Variants in RAB4A observed in about 807,000 individuals in gnomAD.
RAB4A encodes the protein RAB4A, member RAS oncogene family.
In RAB4A, 20 loss-of-function variants were observed where a neutral mutation model predicts 34.5. That is an observed-to-expected ratio of 0.58 (90% CI 0.41 to 0.84). The LOEUF (loss-of-function observed/expected upper bound fraction) is 0.84. RAB4A is among the 40% of genes least tolerant of loss of function. The probability of loss-of-function intolerance (pLI) is 0.00; values close to 1 mark genes in which losing one functional copy is unlikely to be tolerated. For synonymous variants in RAB4A, 102 were observed against 100.0 expected, an observed-to-expected ratio of 1.02 and a Z score of -0.12; for missense variants, 228 against 274.5, an observed-to-expected ratio of 0.83 and a Z score of 1.20.
In RAB4A at chr1:229,271,176, T is replaced by A; in HGVS notation, c.-164T>A. 5.1e-6 allele frequency: 3 copies of A among 593,656 alleles called. No homozygotes were observed. The highest frequency in any genetic ancestry group is 7.3e-6 in the Non-Finnish European group (3 of 413,280). 36.8% of individuals were successfully genotyped at this position (593,656 alleles called of 1,614,324 possible). A position where few individuals can be genotyped will look rare whatever the true frequency, so the allele number is the denominator to read the frequency against. On this transcript the variant is annotated 5_prime_UTR_variant, in exon 1 of 8. Coordinates refer to ENST00000366690, the MANE Select transcript of RAB4A (RefSeq NM_004578.4). ...GCCCTGCGCCTGCGCGGAGCTGGAG[T>A]CCGGCTGGGCCGCAGCCGCTGGGAG...
intron 1 of RAB4A, among the ~76,000 whole-genome samples, chr1:229,276,591 C>T (rs529185402): frequency 6.6e-6 from 1 of 151,418 alleles, no homozygotes; most frequent in East Asian, 1.9e-4. Flanking sequence ...GCCTATGCCC[C>T]ATCTTCTATT....
At chr1:229,293,687 A>C (rs1657157878) in intron 3 of RAB4A, among the ~76,000 whole-genome samples, 1 of 152,122 alleles carries the variant, frequency 6.6e-6, no homozygotes, top group Admixed American at 6.5e-5. Context: ...ACAGAGACAG[A>C]GACAGAAAGA....
chr1:229,302,280 TATATATATATATATATATA>T (rs1558242237), intron 6 of RAB4A, among the ~76,000 whole-genome samples: 201 of 19,822 alleles, frequency 0.01, 13 homozygotes, highest in African/African-American at 0.025. Context: ...TATATATATA[TATATATATATATATATATA>T]TATATATATA....
Position 229,299,028 on chromosome 1 carries a change from C to T in RAB4A, c.497C>T (p.Ala166Val), listed in dbSNP as rs764915249. Residue 166 changes from alanine to valine, a missense_variant, in exon 6 of 8, where the codon GCT (alanine) becomes GTT (valine). By Grantham distance (64) the Ala-to-Val change is moderately conservative. Transcript: ENST00000366690. Reference sequence around the variant, plus strand: ...CTCACAGGGGAGAATGTAGAAGAGGCTTTTGTACAGTGTGCAAGAAAAATA... The same window carrying T: ...CTCACAGGGGAGAATGTAGAAGAGGTTTTTGTACAGTGTGCAAGAAAAATA... ...SALTGENVEE[A>V]FVQCARKILN... 9 of 1,610,406 alleles carry T rather than the reference C, an allele frequency of 5.6e-6. No individual in the cohort carries two copies. The highest frequency in any genetic ancestry group is 2.7e-5 in the African/African-American group (2 of 74,636).
At chr1:229,294,019 T>C (rs1055316264) in intron 3 of RAB4A, among the ~76,000 whole-genome samples, 2 of 152,032 alleles carry the variant, frequency 1.3e-5, no homozygotes, top group Non-Finnish European at 2.9e-5. Context: ...ATTTGTGTAG[T>C]GTAGGAGACT....
rs928922791 is a variant in RAB4A at position 229,304,187 on chromosome 1, A to G, written c.*394A>G. The G allele has an allele frequency of 5.9e-5, 9 of 152,000 alleles. No individual in the cohort carries two copies. The highest frequency in any genetic ancestry group is 3.9e-4 in the Admixed American group (6 of 15,248). 9.4% of individuals were successfully genotyped at this position (152,000 alleles called of 1,614,324 possible). ...TTAATCATATGAACTAAAATTGTCAATTGTGAGGTGTGCTTTTCTCATCAT... is the reference window on the plus strand; with the variant it reads ...TTAATCATATGAACTAAAATTGTCAGTTGTGAGGTGTGCTTTTCTCATCAT... On this transcript the variant is annotated 3_prime_UTR_variant, in exon 8 of 8. Transcript: ENST00000366690.
Position 229,271,182 on chromosome 1 carries a change from TG to T in RAB4A, c.-155del. The T allele has an allele frequency of 1.5e-6, 1 of 665,008 alleles. No individual in the cohort carries two copies. The highest frequency in any genetic ancestry group is 2.1e-6 in the Non-Finnish European group (1 of 476,782). 41.2% of individuals were successfully genotyped at this position (665,008 alleles called of 1,614,324 possible). A position where few individuals can be genotyped will look rare whatever the true frequency, so the allele number is the denominator to read the frequency against. ...CGCCTGCGCGGAGCTGGAGTCCGGCTGGGCCGCAGCCGCTGGGAGACCGGCG... is the reference window on the plus strand; with the variant it reads ...CGCCTGCGCGGAGCTGGAGTCCGGCTGGCCGCAGCCGCTGGGAGACCGGCG... On this transcript the variant is annotated 5_prime_UTR_variant, in exon 1 of 8. Transcript: ENST00000366690.
chr1:229,282,245 T>G (rs1279922970), intron 1 of RAB4A, among the ~76,000 whole-genome samples: 2 of 152,220 alleles, frequency 1.3e-5, no homozygotes, highest in Non-Finnish European at 2.9e-5. Flanking sequence ...CTTTGAGCAC[T>G]TGAAAAATAC....
At chr1:229,280,211 C>G (rs1656748241) in intron 1 of RAB4A, among the ~76,000 whole-genome samples, 1 of 152,174 alleles carries the variant, frequency 6.6e-6, no homozygotes, top group African/African-American at 2.4e-5. Flanking sequence ...TGAGTGAGAT[C>G]ATCATTGCTG....
chr1:229,284,307 C>T (rs546920259), intron 1 of RAB4A, among the ~76,000 whole-genome samples: 162 of 151,742 alleles, frequency 1.1e-3, no homozygotes, highest in Non-Finnish European at 1.8e-3. Context: ...CGCTGTTGGC[C>T]GGGCTGGTCT....
At chr1:229,280,420 A>T (rs898513644) in intron 1 of RAB4A, among the ~76,000 whole-genome samples, 2 of 152,224 alleles carry the variant, frequency 1.3e-5, no homozygotes, top group Non-Finnish European at 2.9e-5. Context: ...CAGAAAAAGA[A>T]TTGATGGACA....
Position 229,305,447 on chromosome 1 carries a change from A to G in RAB4A, c.*1654A>G, listed in dbSNP as rs541814541. On this transcript the variant is annotated 3_prime_UTR_variant, in exon 8 of 8. Transcript: ENST00000366690. ...TATAAACGATCCTGTTAATTAAACC[A>G]CAGACACCATATATCCTTCTGCATC... 1.3e-5 allele frequency: 9 copies of G among 676,118 alleles called. No individual in the cohort carries two copies. The East Asian group carries it at 2.5e-4, about 19-fold the overall frequency. The allele number at this position is 676,118 out of a possible 1,614,324, so 41.9% of individuals were successfully genotyped here.
At chr1:229,297,975 T>G (rs569199402) in intron 5 of RAB4A, among the ~76,000 whole-genome samples, 14 of 152,334 alleles carry the variant, frequency 9.2e-5, no homozygotes, top group Admixed American at 9.1e-4. Context: ...TTTAATGTAT[T>G]TTGAAGGAAA....
chr1:229,297,558 C>T lies in RAB4A; in HGVS notation c.367C>T (p.Leu123Phe), dbSNP rs1237275056. The change falls in exon 5 of 8, where the codon CTT becomes TTT. Residue 123 changes from leucine to phenylalanine, a missense_variant. By Grantham distance (22) the Leu-to-Phe change is conservative. Transcript: ENST00000366690. ...MLASQNIVIILCGNKKDLDAD... is the reference protein window; with the variant it reads ...MLASQNIVIIFCGNKKDLDAD... The stretch of plus-strand genomic sequence containing the variant: ...AGCGAGCCAGAACATTGTGATCATC[C>T]TTTGTGGAAACAAGAAGGACCTGGA... The T allele has an allele frequency of 1.2e-6, 2 of 1,613,258 alleles. No homozygotes were observed. The highest frequency in any genetic ancestry group is 8.5e-7 in the Non-Finnish European group (1 of 1,179,904).
rs1299790708 is a variant in RAB4A, at chr1:229,304,351, G to C, written c.*558G>C. 1 of 151,934 alleles carries C rather than the reference G, an allele frequency of 6.6e-6. No homozygotes were observed. The highest frequency in any genetic ancestry group is 1.5e-5 in the Non-Finnish European group (1 of 68,004). 9.4% of individuals were successfully genotyped at this position (151,934 alleles called of 1,614,324 possible). A position where few individuals can be genotyped will look rare whatever the true frequency, so the allele number is the denominator to read the frequency against. ...TACGTGATCCACACTTGAAATACTAGATCAGTAGACATTCACTAATATACC... is the reference window on the plus strand; with the variant it reads ...TACGTGATCCACACTTGAAATACTACATCAGTAGACATTCACTAATATACC... On this transcript the variant is annotated 3_prime_UTR_variant, in exon 8 of 8. Coordinates refer to ENST00000366690, the MANE Select transcript of RAB4A (RefSeq NM_004578.4).
rs111777462 is a variant in RAB4A, at chr1:229,275,102, G to A, written c.31+3732G>A. 3.5e-3 allele frequency among the ~76,000 whole-genome samples: 538 copies of A among 152,268 alleles called. 6 individuals carry two copies. The highest frequency in any genetic ancestry group is 0.012 in the African/African-American group (513 of 41,536). Reference sequence around the variant, plus strand: ...ATATCTGTTTAAGTCCTAACCCCTAGTACCTGTGAATGTGACCGCATTTGG... The same window carrying A: ...ATATCTGTTTAAGTCCTAACCCCTAATACCTGTGAATGTGACCGCATTTGG... On this transcript the variant is annotated intron_variant, in intron 1 of 7. Coordinates refer to ENST00000366690, the MANE Select transcript of RAB4A (RefSeq NM_004578.4).
At chr1:229,278,080 G>A (rs902544043) in intron 1 of RAB4A, among the ~76,000 whole-genome samples, 4 of 152,142 alleles carry the variant, frequency 2.6e-5, no homozygotes, top group Non-Finnish European at 5.9e-5. Flanking sequence ...GGCCAGGCTG[G>A]TCTCGATCTC....
At chr1:229,292,572 G>A (rs1031114056) in intron 3 of RAB4A, among the ~76,000 whole-genome samples, 8 of 152,258 alleles carry the variant, frequency 5.3e-5, no homozygotes, top group Middle Eastern at 6.8e-3. Context: ...TCCTTAAAGC[G>A]TGTGCCTCTT....
intron 1 of RAB4A, among the ~76,000 whole-genome samples, chr1:229,280,630 C>G (rs905924511): frequency 2.0e-5 from 3 of 152,092 alleles, no homozygotes; most frequent in Admixed American, 6.5e-5. Context: ...ATACGGAGTT[C>G]TCATGCACCT....
Sources: allele counts gnomAD v4.1 joint callset (sites outside exome capture counted in the v4.1 genomes callset), GRCh38; gene constraint gnomAD v4.1.1; transcripts MANE v1.5; gene names NCBI Gene and HGNC (gene_info 2026-07-23, HGNC 2026-07-21).